The following DNAH11 variants were observed in gnomAD, a reference collection of about 807,000 sequenced individuals.
DNAH11 encodes the protein dynein axonemal heavy chain 11, also known as axonemal beta dynein heavy chain 11.
DNAH11 carries 442 observed loss-of-function variants against 526.0 expected under a neutral mutation model. That is an observed-to-expected ratio of 0.84 (90% confidence interval 0.78 to 0.91). DNAH11 has a LOEUF of 0.91. DNAH11 is among the 40% of genes least tolerant of loss of function. DNAH11 has a pLI of 0.00. For missense variants in DNAH11, 6,989 were observed against 5,448.7 expected (o/e 1.28, Z -8.90); for synonymous variants, 2,461 against 1,935.9 (o/e 1.27, Z -7.12).
intron 74 of DNAH11, among the ~76,000 whole-genome samples, chr7:21,877,757 C>G (rs1045638924): frequency 6.6e-6 from 1 of 151,606 alleles, no homozygotes; most frequent in South Asian, 2.1e-4. Flanking sequence ...CGCCTGTAGT[C>G]CCAGCTACTC....
intron 2 of DNAH11, among the ~76,000 whole-genome samples, chr7:21,554,906 A>G (rs2128429009): frequency 6.6e-6 from 1 of 152,210 alleles, no homozygotes; most frequent in South Asian, 2.1e-4. Context: ...TTGGATAAGG[A>G]TTTAAAGGAG....
intron 54 of DNAH11, among the ~76,000 whole-genome samples, chr7:21,752,949 T>C (rs186853893): frequency 1.3e-5 from 2 of 152,050 alleles, no homozygotes; most frequent in Non-Finnish European, 2.9e-5. Context: ...CGTGGCCTCA[T>C]GTCCACCCGC....
At position 21,866,531 on chromosome 7, in the gene DNAH11, A is replaced by G; in HGVS notation, c.11558A>G (p.Gln3853Arg). 1 of 1,613,952 alleles carries G rather than the reference A, an allele frequency of 6.2e-7. No individual in the cohort carries two copies. The highest frequency in any genetic ancestry group is 8.5e-7 in the Non-Finnish European group (1 of 1,179,868). The change falls in exon 71 of 82, where the codon CAG (glutamine) becomes CGG (arginine). Residue 3853 changes from glutamine to arginine, a missense_variant. Coordinates refer to ENST00000409508, the MANE Select transcript of DNAH11 (RefSeq NM_001277115.2). ...CGAGATGTGGAAGGATCTGCCAAGC[A>G]GTGGAGGAAGTGGGTAGAATCCGAG... ...IDRDVEGSAK[Q>R]WRKWVESECP...
chr7:21,609,069 C>T (rs1785413767), intron 20 of DNAH11, among the ~76,000 whole-genome samples: 1 of 152,182 alleles, frequency 6.6e-6, no homozygotes, highest in South Asian at 2.1e-4. Flanking sequence ...ATAAGGAGAA[C>T]AGTACAGTGA....
intron 30 of DNAH11, among the ~76,000 whole-genome samples, chr7:21,672,323 T>C (rs940346192): frequency 6.6e-6 from 1 of 152,208 alleles, no homozygotes; most frequent in Non-Finnish European, 1.5e-5. Flanking sequence ...TCTCGCTCTA[T>C]TGTCCAGGCT....
chr7:21,680,191 G>T (rs903689569), intron 30 of DNAH11, among the ~76,000 whole-genome samples: 9 of 152,142 alleles, frequency 5.9e-5, no homozygotes, highest in African/African-American at 9.7e-5. Flanking sequence ...ATTTTCCGGG[G>T]CATGATAATA....
At chr7:21,781,472 C>G (rs146104472) in intron 57 of DNAH11, among the ~76,000 whole-genome samples, 81 of 152,298 alleles carry the variant, frequency 5.3e-4, no homozygotes, top group African/African-American at 1.9e-3. Flanking sequence ...CTTCTCAGCT[C>G]CAAATTCTAA....
rs748111578 is a variant in DNAH11, at chr7:21,899,462, C to T, written c.13162+14C>T. Reference sequence around the variant, plus strand: ...CCTTCTTAACTGGTAAGGGCTGACGCAGTGCAGCCCCTGATGCACACAGGA... The same window carrying T: ...CCTTCTTAACTGGTAAGGGCTGACGTAGTGCAGCCCCTGATGCACACAGGA... On this transcript the variant is annotated intron_variant, in intron 80 of 81. Transcript: ENST00000409508. The T allele has an allele frequency of 2.5e-6, 4 of 1,592,612 alleles. No individual in the cohort carries two copies. In the African/African-American group the frequency reaches 5.4e-5, roughly 21 times the overall value.
chr7:21,839,293 G>T (rs1442758354), intron 65 of DNAH11, among the ~76,000 whole-genome samples: 3 of 152,032 alleles, frequency 2.0e-5, no homozygotes, highest in African/African-American at 7.2e-5. Flanking sequence ...AGTTGATGCC[G>T]ACCGGGTATG....
chr7:21,763,706 A>T (rs1583669405), intron 54 of DNAH11, among the ~76,000 whole-genome samples: 2 of 150,990 alleles, frequency 1.3e-5, no homozygotes, highest in Admixed American at 1.3e-4. Flanking sequence ...CTACACTTTC[A>T]TGTTCACTGC....
intron 46 of DNAH11, among the ~76,000 whole-genome samples, chr7:21,736,513 G>T (rs1020250004): frequency 6.6e-6 from 1 of 152,188 alleles, no homozygotes; most frequent in African/African-American, 2.4e-5. Flanking sequence ...CTGTTGAGTT[G>T]CCTTGAATGT....
chr7:21,765,296 A>G, intron 54 of DNAH11, 132 bp from the exon 55 acceptor site: 1 of 1,313,616 alleles, frequency 7.6e-7, no homozygotes, highest in Non-Finnish European at 1.1e-6. Flanking sequence ...GTTGCTGTCC[A>G]CTCTCTAGGG....
intron 50 of DNAH11, 45 bp downstream of exon 50, chr7:21,744,644 CT>C (rs748523084): frequency 6.3e-7 from 1 of 1,597,738 alleles, no homozygotes; most frequent in Non-Finnish European, 8.5e-7. Flanking sequence ...CCAACACCAA[CT>C]GGGTATTGGG....
intron 71 of DNAH11, 36 bp from the exon 72 acceptor site, chr7:21,867,823 C>T (rs1462748517): frequency 6.6e-6 from 10 of 1,525,850 alleles, no homozygotes; most frequent in Non-Finnish European, 8.8e-6. Context: ...AAGGTCAAAA[C>T]CACTGATCAT....
intron 9 of DNAH11, among the ~76,000 whole-genome samples, chr7:21,583,580 A>C (rs968754499): frequency 2.0e-5 from 3 of 152,264 alleles, no homozygotes; most frequent in Non-Finnish European, 2.9e-5. Context: ...AAAATTGACA[A>C]ATGGGATCTA....
intron 48 of DNAH11, 63 bp downstream of exon 48, chr7:21,739,736 C>T: frequency 7.9e-7 from 1 of 1,258,002 alleles, no homozygotes; most frequent in South Asian, 1.4e-5. Flanking sequence ...TCGAGTACAG[C>T]TTAGGATTCC....
intron 20 of DNAH11, among the ~76,000 whole-genome samples, chr7:21,608,623 A>T (rs1293805999): frequency 6.6e-6 from 1 of 152,198 alleles, no homozygotes; most frequent in African/African-American, 2.4e-5. Flanking sequence ...TTGAAAAGGG[A>T]GTAGGTTAGA....
At chr7:21,632,928 T>C (rs751068392) in intron 25 of DNAH11, among the ~76,000 whole-genome samples, 2 of 152,190 alleles carry the variant, frequency 1.3e-5, no homozygotes, top group Non-Finnish European at 2.9e-5. Context: ...ATACCCAAGA[T>C]TGGGCAATTT....
Position 21,861,917 on chromosome 7 carries a change from G to T in DNAH11, c.11267G>T (p.Arg3756Leu), listed in dbSNP as rs554657293. Residue 3756 changes from arginine (R) to leucine (L), a missense_variant, in exon 69 of 82, where the codon CGC becomes CTC. Coordinates refer to ENST00000409508, the MANE Select transcript of DNAH11 (RefSeq NM_001277115.2). The part of the protein sequence containing the change: ...QADKVEDMQG[R>L]ISILMESITH... ...GACAAGGTGGAAGACATGCAGGGAC[G>T]CATCTCTATCCTGATGGAGAGCATC... 1 of 1,613,150 alleles carries T rather than the reference G, an allele frequency of 6.2e-7. No individual in the cohort carries two copies. The highest frequency in any genetic ancestry group is 8.5e-7 in the Non-Finnish European group (1 of 1,179,540).
Sources: allele counts gnomAD v4.1 joint callset (sites outside exome capture counted in the v4.1 genomes callset), GRCh38; gene constraint gnomAD v4.1.1; transcripts MANE v1.5; gene names NCBI Gene and HGNC (gene_info 2026-07-23, HGNC 2026-07-21).